ALPK1: variants seen among roughly 807,000 people sequenced by gnomAD.
ALPK1 encodes alpha-protein kinase 1.
A neutral mutation model predicts 120.6 loss-of-function variants in ALPK1; 110 were observed. That is an observed-to-expected ratio of 0.91 (90% CI 0.78 to 1.07). The LOEUF is 1.07. Among genes scored for constraint, ALPK1 ranks in the 50% least tolerant of loss-of-function variants. ALPK1 has a pLI of 0.00. For synonymous variants in ALPK1, 582 were observed against 560.3 expected (o/e 1.04, Z -0.55); for missense variants, 1,498 against 1,483.9 (o/e 1.01, Z -0.16).
chr4:112,298,714 A>G (rs952443490), intron 1 of ALPK1, among the ~76,000 whole-genome samples: 4 of 152,180 alleles, frequency 2.6e-5, no homozygotes, highest in African/African-American at 9.7e-5. Flanking sequence ...TATCATATAT[A>G]ATAATACTGT....
intron 4 of ALPK1, among the ~76,000 whole-genome samples, chr4:112,398,000 TCG>T (rs1207197685): frequency 6.6e-6 from 1 of 151,964 alleles, no homozygotes; most frequent in African/African-American, 2.4e-5. Context: ...CAAAGCAGAG[TCG>T]AGAGATAGTG....
chr4:112,429,805 A>G (rs1458102537), intron 10 of ALPK1, among the ~76,000 whole-genome samples: 1 of 144,942 alleles, frequency 6.9e-6, no homozygotes, highest in African/African-American at 2.6e-5. Context: ...GCACCACTGC[A>G]CTCCACCCTG....
intron 2 of ALPK1, among the ~76,000 whole-genome samples, chr4:112,360,214 A>T (rs1046000837): frequency 3.9e-5 from 6 of 152,074 alleles, no homozygotes; most frequent in African/African-American, 1.4e-4. Context: ...TTAACATAAC[A>T]TCCTCCAGGA....
At chr4:112,412,299 A>C in intron 5 of ALPK1, 1 of 598,490 alleles carries the variant, frequency 1.7e-6, no homozygotes, top group South Asian at 1.5e-5. Context: ...CTTCTAACAA[A>C]TCTGTCCTGC....
chr4:112,306,177 C>T (rs1024271984), intron 1 of ALPK1, among the ~76,000 whole-genome samples: 6 of 151,908 alleles, frequency 3.9e-5, no homozygotes, highest in African/African-American at 7.3e-5. Flanking sequence ...ATTTTTGCAT[C>T]GATGTTCATC....
In ALPK1 at chr4:112,382,441, G is replaced by T. The variant is rs768039211; in HGVS notation, c.165G>T (p.Lys55Asn). 6.2e-7 allele frequency: 1 copy of T among 1,614,116 alleles called. No individual in the cohort carries two copies. Among genetic ancestry groups the T allele is most frequent in the Non-Finnish European group, 8.5e-7 (1 of 1,180,022 alleles). Reference sequence around the variant, plus strand: ...TAAGGACCCTGATCCAGGAGGCAAAGGAAATGAAGTGGCCCTTCGTGCCTG... The same window carrying T: ...TAAGGACCCTGATCCAGGAGGCAAATGAAATGAAGTGGCCCTTCGTGCCTG... ...SELRTLIQEA[K>N]EMKWPFVPEK... The change falls in exon 4 of 16, where the codon AAG becomes AAT. Residue 55 changes from lysine (K) to asparagine (N), a missense_variant. Lys to Asn is a moderately conservative substitution (Grantham distance 94). Coordinates refer to ENST00000650871, the MANE Select transcript of ALPK1 (RefSeq NM_025144.4).
At chr4:112,354,317 T>G (rs1730500978) in intron 2 of ALPK1, among the ~76,000 whole-genome samples, 1 of 152,228 alleles carries the variant, frequency 6.6e-6, no homozygotes, top group African/African-American at 2.4e-5. Context: ...CACTGTGTAG[T>G]TTTGTCTTTC....
intron 2 of ALPK1, among the ~76,000 whole-genome samples, chr4:112,323,681 A>G (rs913596878): frequency 1.3e-5 from 2 of 152,208 alleles, no homozygotes; most frequent in South Asian, 2.1e-4. Context: ...TTAGGAAATT[A>G]CATAAAATTT....
intron 4 of ALPK1, among the ~76,000 whole-genome samples, chr4:112,404,730 T>G (rs1733088279): frequency 6.6e-6 from 1 of 152,212 alleles, no homozygotes; most frequent in Non-Finnish European, 1.5e-5. Context: ...GAATGCCAGA[T>G]TGTAAACTTT....
chr4:112,357,954 C>G (rs545916665), intron 2 of ALPK1: 6 of 757,294 alleles, frequency 7.9e-6, no homozygotes, highest in African/African-American at 6.8e-5. Flanking sequence ...TTGCCTCCCC[C>G]GGGGTCTACC....
chr4:112,375,180 CT>C (rs200078535), intron 2 of ALPK1, among the ~76,000 whole-genome samples: 51,590 of 127,198 alleles, frequency 0.41, 11,416 homozygotes, highest in East Asian at 0.78. Flanking sequence ...TGATGTTTTT[CT>C]TTTTTTTTTT....
intron 11 of ALPK1, among the ~76,000 whole-genome samples, 164 bp downstream of exon 11, chr4:112,432,745 T>A (rs1031643024): frequency 1.3e-5 from 2 of 152,176 alleles, no homozygotes; most frequent in African/African-American, 2.4e-5. Flanking sequence ...TCCCTCACTC[T>A]GTGCGATGGA....
chr4:112,439,852 ATGT>A lies in ALPK1; in HGVS notation c.3522_3524del (p.Val1176del), dbSNP rs1734957166. 3 of 1,608,404 alleles carry A rather than the reference ATGT, an allele frequency of 1.9e-6. No homozygotes were observed. Among genetic ancestry groups the A allele is most frequent in the East Asian group, 2.2e-5 (1 of 44,724 alleles). ...TCTTATGAGTTTTCTAATCATAGAGATGTTGTGGTCGATTTACAAGGTATGTGA... is the reference window on the plus strand; with the variant it reads ...TCTTATGAGTTTTCTAATCATAGAGATGTGGTCGATTTACAAGGTATGTGA... On this transcript the variant is annotated inframe_deletion, in exon 14 of 16. Coordinates refer to ENST00000650871, the MANE Select transcript of ALPK1 (RefSeq NM_025144.4).
chr4:112,308,818 G>A (rs1465984928), intron 1 of ALPK1, among the ~76,000 whole-genome samples: 4 of 151,808 alleles, frequency 2.6e-5, no homozygotes, highest in Non-Finnish European at 5.9e-5. Context: ...GAGGGGGAGG[G>A]GCGCTCTGAT....
At chr4:112,406,967 T>C (rs1306878043) in intron 4 of ALPK1, among the ~76,000 whole-genome samples, 1 of 152,214 alleles carries the variant, frequency 6.6e-6, no homozygotes, top group Non-Finnish European at 1.5e-5. Context: ...TTCTGGGTCT[T>C]TGGGTCTTCA....
Position 112,432,332 on chromosome 4 carries a change from G to T in ALPK1, c.2785G>T (p.Val929Leu), listed in dbSNP as rs1734603419. Reference sequence around the variant, plus strand: ...CAGCCAGAACTCCAGCTCATCCTCAGTGTGGTGGCTGAAATCACCTGCATT... The same window carrying T: ...CAGCCAGAACTCCAGCTCATCCTCATTGTGGTGGCTGAAATCACCTGCATT... ...NCSQNSSSSSVWWLKSPAFSS... is the reference protein window; with the variant it reads ...NCSQNSSSSSLWWLKSPAFSS... The change falls in exon 11 of 16, where the codon GTG becomes TTG. Residue 929 changes from valine (V) to leucine (L), a missense_variant. Val to Leu is a conservative substitution (Grantham distance 32). Coordinates refer to ENST00000650871, the MANE Select transcript of ALPK1 (RefSeq NM_025144.4). The T allele has an allele frequency of 6.2e-7, 1 of 1,614,114 alleles. No individual in the cohort carries two copies. Among genetic ancestry groups the T allele is most frequent in the African/African-American group, 1.3e-5 (1 of 74,932 alleles).
At chr4:112,307,019 AT>A (rs1728100759) in intron 1 of ALPK1, among the ~76,000 whole-genome samples, 1 of 152,124 alleles carries the variant, frequency 6.6e-6, no homozygotes, top group Admixed American at 6.6e-5. Flanking sequence ...CCCAGTAGTC[AT>A]TCAAGAGCAG....
chr4:112,319,383 T>C (rs1728769559), intron 2 of ALPK1, among the ~76,000 whole-genome samples: 1 of 152,180 alleles, frequency 6.6e-6, no homozygotes, highest in Non-Finnish European at 1.5e-5. Flanking sequence ...GCATTAACAG[T>C]ATTTCTATTT....
intron 1 of ALPK1, among the ~76,000 whole-genome samples, chr4:112,309,083 G>C (rs991897720): frequency 4.6e-5 from 7 of 152,120 alleles, no homozygotes; most frequent in African/African-American, 1.5e-4. Flanking sequence ...AACAGCAAAT[G>C]TTGCTGCCTG....
Sources: gnomAD v4.1 joint callset for allele counts (sites outside exome capture counted in the v4.1 genomes callset) on GRCh38, gnomAD v4.1.1 for gene constraint, MANE v1.5 for transcripts, NCBI Gene and HGNC (gene_info 2026-07-23, HGNC 2026-07-21) for gene names.